NOTCH2NLB: variants seen among roughly 807,000 people sequenced by gnomAD.
NOTCH2NLB encodes notch homolog 2 N-terminal-like protein B.
Under a neutral mutation model 14.8 loss-of-function variants are expected in NOTCH2NLB, and 1 was observed. The observed-to-expected ratio is 0.07, with a 90% CI of 0.02 to 0.32. NOTCH2NLB has a LOEUF of 0.32. Ranked by LOEUF, NOTCH2NLB falls within the 10% of genes least tolerant of loss-of-function variation. The probability of loss-of-function intolerance (pLI) is 1.00; values close to 1 mark genes in which losing one functional copy is unlikely to be tolerated. For synonymous variants in NOTCH2NLB, 6 were observed against 57.5 expected, an observed-to-expected ratio of 0.10 and a Z score of 4.05; for missense variants, 11 against 155.0, an observed-to-expected ratio of 0.07 and a Z score of 4.93.
intron 2 of NOTCH2NLB, among the ~76,000 whole-genome samples, chr1:148,633,529 G>C (rs1194312368): frequency 3.8e-5 from 2 of 53,006 alleles, no homozygotes; most frequent in African/African-American, 2.7e-4. Flanking sequence ...CTCCAGCCTG[G>C]GCCACAGAGC....
At chr1:148,661,314 A>G (rs1211128140) in intron 1 of NOTCH2NLB, among the ~76,000 whole-genome samples, 3 of 149,844 alleles carry the variant, frequency 2.0e-5, no homozygotes, top group Non-Finnish European at 3.0e-5. Flanking sequence ...AGTTTTGAAA[A>G]AACAATTCCA....
At chr1:148,679,226 G>A (rs1664879355) in intron 1 of NOTCH2NLB, among the ~76,000 whole-genome samples, 1 of 22,448 alleles carries the variant, frequency 4.5e-5, no homozygotes, top group African/African-American at 1.7e-4. Flanking sequence ...CCCGGGCCGC[G>A]GGGAGCAGAG....
intron 1 of NOTCH2NLB, among the ~76,000 whole-genome samples, chr1:148,670,335 A>T (rs1284581694): frequency 7.0e-6 from 1 of 142,288 alleles, no homozygotes; most frequent in Non-Finnish European, 1.6e-5. Context: ...TTACCAAAAG[A>T]AGTAGAAAAA....
At chr1:148,627,450 T>C (rs1423643480) in intron 2 of NOTCH2NLB, among the ~76,000 whole-genome samples, 1 of 133,210 alleles carries the variant, frequency 7.5e-6, no homozygotes, top group Non-Finnish European at 1.6e-5. Context: ...TAAATGATTC[T>C]TGAATTCTTA....
At chr1:148,648,021 A>AT (rs1201572047) in intron 1 of NOTCH2NLB, among the ~76,000 whole-genome samples, 2 of 146,138 alleles carry the variant, frequency 1.4e-5, no homozygotes, top group Admixed American at 1.4e-4. Context: ...ATAAATGAAT[A>AT]TTTTTTGTAT....
intron 1 of NOTCH2NLB, among the ~76,000 whole-genome samples, chr1:148,650,521 T>G (rs1248329070): frequency 3.3e-5 from 5 of 152,120 alleles, no homozygotes; most frequent in African/African-American, 1.2e-4. Context: ...CCTAAACCCT[T>G]GACTCATAGC....
At position 148,633,049 on chromosome 1, in the gene NOTCH2NLB, C is replaced by A. The variant is rs1283593679; in HGVS notation, c.77+6967G>T. On this transcript the variant is annotated intron_variant, in intron 2 of 4. Coordinates refer to ENST00000593495, the Ensembl canonical transcript of NOTCH2NLB. ...AATGATATGAGGTACTCAGGCCTAC[C>A]TAATGCTACTGTCTTTAAATTTAGA... 2.5e-5 allele frequency among the ~76,000 whole-genome samples: 3 copies of A among 120,580 alleles called. 1 individual carries two copies. The highest frequency in any genetic ancestry group is 1.1e-4 in the African/African-American group (3 of 26,316). The allele number at this position is 120,580 out of a possible 152,430, so 79.1% of individuals were successfully genotyped here.
At chr1:148,610,373 G>GAAAGAAAGAAAGAGAA (rs1484773225) in intron 3 of NOTCH2NLB, among the ~76,000 whole-genome samples, 13 of 89,172 alleles carry the variant, frequency 1.5e-4, no homozygotes, top group East Asian at 9.1e-4. Context: ...AAGAAAGAAA[G>GAAAGAAAGAAAGAGAA]AGAAAGAAAG....
intron 3 of NOTCH2NLB, among the ~76,000 whole-genome samples, chr1:148,610,892 CAAAAA>C (rs1213221121): frequency 7.3e-4 from 25 of 34,308 alleles, no homozygotes; most frequent in Admixed American, 4.3e-3. Flanking sequence ...TACTCCATCT[CAAAAA>C]AAAAAAAAAA....
rs1213451033 is a variant in NOTCH2NLB, at chr1:148,610,313, GAGAAAGAGAGAGAAAGAAAGAA to G, written c.338-2590_338-2569del. On this transcript the variant is annotated intron_variant, in intron 3 of 4. Coordinates refer to ENST00000593495, the Ensembl canonical transcript of NOTCH2NLB. ...AGAGAGAGGGAAAGAGAGAGAAAGAGAGAAAGAGAGAGAAAGAAAGAAAGAAAGAAAGAAAGAAAGAAAGAAA... is the reference window on the plus strand; with the variant it reads ...AGAGAGAGGGAAAGAGAGAGAAAGAGAGAAAGAAAGAAAGAAAGAAAGAAA... Among the ~76,000 whole-genome samples, 7 of 67,826 alleles carry G rather than the reference GAGAAAGAGAGAGAAAGAAAGAA, an allele frequency of 1.0e-4. 1 individual carries two copies. The highest frequency in any genetic ancestry group is 4.7e-4 in the African/African-American group (7 of 14,936). 44.5% of individuals were successfully genotyped at this position (67,826 alleles called of 152,430 possible).
chr1:148,651,160 A>ATATATATATACATATAT (rs1277364573), intron 1 of NOTCH2NLB, among the ~76,000 whole-genome samples: 1 of 46,684 alleles, frequency 2.1e-5, no homozygotes, highest in Non-Finnish European at 4.5e-5. Flanking sequence ...AAAAAAAAAA[A>ATATATATATACATATAT]AAATATATAT....
chr1:148,615,254 C>T (rs1182217717), intron 3 of NOTCH2NLB, among the ~76,000 whole-genome samples: 4 of 82,722 alleles, frequency 4.8e-5, no homozygotes, highest in Non-Finnish European at 8.4e-5. Flanking sequence ...TCCACTTCAG[C>T]CTCCCAAGTA....
At chr1:148,629,014 CAA>C (rs1304048025) in intron 2 of NOTCH2NLB, among the ~76,000 whole-genome samples, 1 of 86,682 alleles carries the variant, frequency 1.2e-5, no homozygotes, top group African/African-American at 6.4e-5. Context: ...AAAGAACAAC[CAA>C]AGAGAAGGAA....
chr1:148,651,162 A>AAAAAAAAAT (rs1553341433), intron 1 of NOTCH2NLB, among the ~76,000 whole-genome samples: 11 of 46,016 alleles, frequency 2.4e-4, no homozygotes, highest in Non-Finnish European at 3.3e-4. Flanking sequence ...AAAAAAAAAA[A>AAAAAAAAAT]ATATATATAT....
At chr1:148,651,162 A>ATATATATAT (rs1325402394) in intron 1 of NOTCH2NLB, among the ~76,000 whole-genome samples, 92 of 45,926 alleles carry the variant, frequency 2.0e-3, no homozygotes, top group Non-Finnish European at 2.8e-3. Context: ...AAAAAAAAAA[A>ATATATATAT]ATATATATAT....
At chr1:148,605,370 C>CA (rs1480798670), downstream of NOTCH2NLB, among the ~76,000 whole-genome samples, 1 of 143,062 alleles carries the variant, frequency 7.0e-6, no homozygotes, top group Non-Finnish European at 1.5e-5. Context: ...CCTGAGTCAC[C>CA]AAAAAAATGT....
At chr1:148,670,225 A>C (rs1664729222) in intron 1 of NOTCH2NLB, among the ~76,000 whole-genome samples, 1 of 100,998 alleles carries the variant, frequency 9.9e-6, no homozygotes, top group Non-Finnish European at 2.2e-5. Flanking sequence ...TTATTTCCAT[A>C]CATATTGTGA....
At chr1:148,629,197 GT>G (rs1664051265) in intron 2 of NOTCH2NLB, among the ~76,000 whole-genome samples, 1 of 79,556 alleles carries the variant, frequency 1.3e-5, no homozygotes, top group African/African-American at 7.4e-5. Context: ...CTGCTGATTA[GT>G]TATACAAGGC....
chr1:148,688,120 T>A, the NOTCH2NLB span, among the ~76,000 whole-genome samples: 2 of 141,220 alleles, frequency 1.4e-5, no homozygotes, highest in Non-Finnish European at 1.6e-5. Flanking sequence ...ACGGCAAAGT[T>A]AGAACACACA....
Sources: allele counts gnomAD v4.1 joint callset (sites outside exome capture counted in the v4.1 genomes callset), GRCh38; gene constraint gnomAD v4.1.1; transcripts MANE v1.5; gene names NCBI Gene and HGNC (gene_info 2026-07-23, HGNC 2026-07-21).